Variants in NUP54 observed in about 807,000 individuals in gnomAD.
The protein encoded by NUP54 is nucleoporin 54.
In NUP54, 27 loss-of-function variants were observed where a neutral mutation model predicts 66.4. The observed-to-expected ratio is 0.41, with a 90% CI of 0.30 to 0.56. NUP54 has a LOEUF of 0.56. Ranked by LOEUF, NUP54 falls within the 20% of genes least tolerant of loss-of-function variation. NUP54 has a pLI of 0.34. For missense variants in NUP54, 486 were observed against 596.3 expected, an observed-to-expected ratio of 0.82 and a Z score of 1.93; for synonymous variants, 206 against 210.7, an observed-to-expected ratio of 0.98 and a Z score of 0.19.
At chr4:76,145,379 GCAAGGAATTCAAATGT>G (rs1459804485) in intron 1 of NUP54, among the ~76,000 whole-genome samples, 2 of 145,730 alleles carry the variant, frequency 1.4e-5, no homozygotes, top group Non-Finnish European at 3.0e-5. Flanking sequence ...ACTTTTTTTT[GCAAGGAATTCAAATGT>G]TTTGAAAACA....
In NUP54 at chr4:76,126,365, AAG is replaced by A. The variant is rs200708598; in HGVS notation, c.1057-1611_1057-1610del. ...TGGCTTACATTTACATGTTACAAGA[AAG>A]AGGTTAAGATTGTGCAAGACATATT... On this transcript the variant is annotated intron_variant, in intron 8 of 11. Coordinates refer to ENST00000264883, the MANE Select transcript of NUP54 (RefSeq NM_017426.4). Among the ~76,000 whole-genome samples the A allele has an allele frequency of 3.9e-5, 6 of 152,340 alleles. No individual in the cohort carries two copies. In the East Asian group the frequency reaches 9.6e-4, roughly 24 times the overall value.
chr4:76,125,878 C>CAG (rs1237329945), intron 8 of NUP54, among the ~76,000 whole-genome samples: 2 of 96,664 alleles, frequency 2.1e-5, no homozygotes, highest in Non-Finnish European at 4.1e-5. Flanking sequence ...GAGAGAGAGA[C>CAG]AGAGAGAGAG....
chr4:76,147,505 T>C lies in NUP54; in HGVS notation c.67+803A>G, dbSNP rs763480692. On this transcript the variant is annotated intron_variant, in intron 1 of 11. Coordinates refer to ENST00000264883, the MANE Select transcript of NUP54 (RefSeq NM_017426.4). ...TGCACTTGCCAGACTGTTACCAAAATTGAACGGAGTCGCCGAGGTAGTAGA... is the reference window on the plus strand; with the variant it reads ...TGCACTTGCCAGACTGTTACCAAAACTGAACGGAGTCGCCGAGGTAGTAGA... 18 of 1,289,554 alleles carry C rather than the reference T, an allele frequency of 1.4e-5. No homozygotes were observed. In the Admixed American group the frequency reaches 2.3e-4, roughly 16 times the overall value. 79.9% of individuals were successfully genotyped at this position (1,289,554 alleles called of 1,614,324 possible).
intron 3 of NUP54, among the ~76,000 whole-genome samples, chr4:76,137,291 C>A (rs1040784680): frequency 2.0e-5 from 3 of 152,142 alleles, no homozygotes; most frequent in Admixed American, 2.0e-4. Context: ...AGCAACTGTG[C>A]CCAGCCCTAA....
At chr4:76,131,166 C>T in intron 7 of NUP54, 64 bp downstream of exon 7, 1 of 932,804 alleles carries the variant, frequency 1.1e-6, no homozygotes, top group Non-Finnish European at 1.7e-6. Context: ...TTAATAGCTC[C>T]CATGTTTGCT....
At chr4:76,129,645 C>G (rs983494202) in intron 8 of NUP54, among the ~76,000 whole-genome samples, 1 of 152,084 alleles carries the variant, frequency 6.6e-6, no homozygotes, top group African/African-American at 2.4e-5. Flanking sequence ...ATGGGTGGAT[C>G]ACGAGGTCAG....
intron 8 of NUP54, among the ~76,000 whole-genome samples, chr4:76,125,195 G>C (rs1730415288): frequency 6.6e-6 from 1 of 152,080 alleles, no homozygotes; most frequent in Admixed American, 6.5e-5. Flanking sequence ...GAAGGCTGAT[G>C]CAGGAGAATC....
chr4:76,118,213 C>T lies in NUP54; in HGVS notation c.1165-19G>A, dbSNP rs1282624363. 1 of 1,606,600 alleles carries T rather than the reference C, an allele frequency of 6.2e-7. No individual in the cohort carries two copies. Among genetic ancestry groups the T allele is most frequent in the South Asian group, 1.1e-5 (1 of 90,730 alleles). ...TTAGGACCTATACAAATAAAAACCA[C>T]CAATAACAACAGAATCATCTCTTTT... On this transcript the variant is annotated intron_variant, in intron 9 of 11. Transcript: ENST00000264883.
chr4:76,145,599 G>C (rs763063803), intron 1 of NUP54: 2 of 1,266,664 alleles, frequency 1.6e-6, no homozygotes, highest in South Asian at 1.3e-5. Flanking sequence ...AGATTTGACA[G>C]ATAAATGGAA....
At chr4:76,125,566 T>C (rs1210378307) in intron 8 of NUP54, among the ~76,000 whole-genome samples, 2 of 132,892 alleles carry the variant, frequency 1.5e-5, no homozygotes, top group African/African-American at 5.9e-5. Context: ...GCCCAGGAGT[T>C]TGAGGTTGCA....
chr4:76,147,764 G>A (rs985410848), intron 1 of NUP54: 1 of 685,006 alleles, frequency 1.5e-6, no homozygotes. Flanking sequence ...ACCTGGTTTT[G>A]CTCCAAACAG....
rs56235958 is a variant in NUP54 at position 76,129,209 on chromosome 4, G to C, written c.1056+1447C>G. 9.6e-3 allele frequency among the ~76,000 whole-genome samples: 1,429 copies of C among 148,678 alleles called. 22 individuals carry two copies. The highest frequency in any genetic ancestry group is 0.031 in the African/African-American group (1,273 of 41,062). On this transcript the variant is annotated intron_variant, in intron 8 of 11. Transcript: ENST00000264883. ...CCCCATAAATATGTAGTTATGTATC[G>C]ATTAAAAACAATAAAAGAAAAGGCC... is the stretch of plus-strand genomic sequence containing the variant.
Position 76,143,332 on chromosome 4 carries a change from G to A in NUP54, c.295+817C>T, listed in dbSNP as rs188776675. Among the ~76,000 whole-genome samples the A allele has an allele frequency of 5.7e-3, 861 of 152,332 alleles. 5 individuals carry two copies. The highest frequency in any genetic ancestry group is 0.02 in the African/African-American group (822 of 41,584). On this transcript the variant is annotated intron_variant, in intron 3 of 11. Coordinates refer to ENST00000264883, the MANE Select transcript of NUP54 (RefSeq NM_017426.4). ...AAAAAATAAAAAAGAGAGGCCAGGCGCGGTGGCGCACACCTGTAATCCCAG... is the reference window on the plus strand; with the variant it reads ...AAAAAATAAAAAAGAGAGGCCAGGCACGGTGGCGCACACCTGTAATCCCAG...
At chr4:76,125,865 G>GGGGAGGGAGAGAGA (rs1730514861) in intron 8 of NUP54, among the ~76,000 whole-genome samples, 1 of 90,046 alleles carries the variant, frequency 1.1e-5, no homozygotes, top group African/African-American at 4.6e-5. Context: ...GGAGGGGGAG[G>GGGGAGGGAGAGAGA]GAGAGAGAGA....
Position 76,119,678 on chromosome 4 carries a change from G to A in NUP54, c.1165-1484C>T, listed in dbSNP as rs572702001. ...CAGGCGTGGGCCACTGTGCCAGGCTGCTTCTCTTTCTTTCCAATTTAACAA... is the reference window on the plus strand; with the variant it reads ...CAGGCGTGGGCCACTGTGCCAGGCTACTTCTCTTTCTTTCCAATTTAACAA... On this transcript the variant is annotated intron_variant, in intron 9 of 11. Transcript: ENST00000264883. 4.0e-5 allele frequency among the ~76,000 whole-genome samples: 6 copies of A among 151,880 alleles called. No homozygotes were observed. In the South Asian group the frequency reaches 1.2e-3, roughly 32 times the overall value.
chr4:76,134,493 T>C, intron 4 of NUP54, 131 bp from the exon 5 acceptor site: 2 of 762,702 alleles, frequency 2.6e-6, no homozygotes, highest in Non-Finnish European at 4.1e-6. Context: ...GAATAATGAT[T>C]CTTCCCACCA....
chr4:76,120,023 T>G (rs1426066243), intron 9 of NUP54, among the ~76,000 whole-genome samples: 1 of 152,200 alleles, frequency 6.6e-6, no homozygotes, highest in Non-Finnish European at 1.5e-5. Context: ...TTGTTATTTT[T>G]AATGGCTGTA....
At chr4:76,124,073 A>G (rs996313173) in intron 9 of NUP54, among the ~76,000 whole-genome samples, 24 of 152,012 alleles carry the variant, frequency 1.6e-4, no homozygotes, top group African/African-American at 5.6e-4. Flanking sequence ...CTAATTTAAC[A>G]TGAGTACTAA....
intron 1 of NUP54, 40 bp from the exon 2 acceptor site, chr4:76,144,513 T>G: frequency 6.7e-7 from 1 of 1,481,540 alleles, no homozygotes; most frequent in Non-Finnish European, 9.1e-7. Context: ...AAGAATCTTT[T>G]GTATATATAA....
Sources: allele counts gnomAD v4.1 joint callset (sites outside exome capture counted in the v4.1 genomes callset), GRCh38; gene constraint gnomAD v4.1.1; transcripts MANE v1.5; gene names NCBI Gene and HGNC (gene_info 2026-07-23, HGNC 2026-07-21).